The following KCNH5 variants were observed in gnomAD, a reference collection of about 807,000 sequenced individuals.
The protein encoded by KCNH5 is voltage-gated delayed rectifier potassium channel KCNH5.
In KCNH5, 46 loss-of-function variants were observed where a neutral mutation model predicts 96.1. That is an observed-to-expected ratio of 0.48 (90% confidence interval 0.38 to 0.61). The LOEUF is 0.61. Among genes scored for constraint, KCNH5 ranks in the 20% least tolerant of loss-of-function variants. KCNH5 has a pLI of 0.00. For missense variants in KCNH5, 907 were observed against 1,225.8 expected, an observed-to-expected ratio of 0.74 and a Z score of 3.88; for synonymous variants, 439 against 449.8, an observed-to-expected ratio of 0.98 and a Z score of 0.30.
intron 10 of KCNH5, among the ~76,000 whole-genome samples, chr14:62,739,375 C>T (rs1049591967): frequency 6.6e-6 from 1 of 152,122 alleles, no homozygotes; most frequent in Admixed American, 6.6e-5. Context: ...TTATTTGAAG[C>T]CTACAGTTGG....
intron 8 of KCNH5, among the ~76,000 whole-genome samples, chr14:62,816,647 A>G (rs1260565086): frequency 6.6e-6 from 1 of 152,070 alleles, no homozygotes; most frequent in Non-Finnish European, 1.5e-5. Flanking sequence ...TTATATGCAC[A>G]AGTATGCTTC....
intron 3 of KCNH5, among the ~76,000 whole-genome samples, chr14:63,001,996 T>C (rs1257570548): frequency 2.6e-5 from 4 of 152,228 alleles, no homozygotes; most frequent in East Asian, 1.9e-4. Context: ...ACTTATATGA[T>C]AGCTCTATGG....
intron 1 of KCNH5, among the ~76,000 whole-genome samples, chr14:63,017,726 TAA>T (rs566699532): frequency 2.0e-4 from 31 of 151,390 alleles, no homozygotes; most frequent in African/African-American, 6.8e-4. Flanking sequence ...TTAAAATATA[TAA>T]GTGAACACAT....
chr14:62,756,779 C>T (rs752632671), intron 10 of KCNH5, among the ~76,000 whole-genome samples: 19 of 152,174 alleles, frequency 1.2e-4, no homozygotes, highest in Non-Finnish European at 2.4e-4. Context: ...CCCTATCTTT[C>T]ACCATATCTA....
intron 8 of KCNH5, among the ~76,000 whole-genome samples, chr14:62,826,900 G>A (rs1014331151): frequency 8.6e-5 from 13 of 151,624 alleles, no homozygotes; most frequent in Non-Finnish European, 1.0e-4. Flanking sequence ...AACATGAAAC[G>A]ACTTCATGAA....
chr14:63,021,089 C>T (rs1484341056), intron 1 of KCNH5, among the ~76,000 whole-genome samples: 1 of 152,016 alleles, frequency 6.6e-6, no homozygotes, highest in African/African-American at 2.4e-5. Flanking sequence ...AGCCAGTTTA[C>T]CCTCTCTAAT....
At chr14:63,017,965 C>G (rs1891357166) in intron 1 of KCNH5, among the ~76,000 whole-genome samples, 1 of 151,718 alleles carries the variant, frequency 6.6e-6, no homozygotes, top group African/African-American at 2.4e-5. Flanking sequence ...CTGGGTCAAA[C>G]AGTGGGATAA....
intron 8 of KCNH5, among the ~76,000 whole-genome samples, chr14:62,812,866 A>G (rs1886900847): frequency 6.6e-6 from 1 of 152,164 alleles, no homozygotes; most frequent in Non-Finnish European, 1.5e-5. Context: ...ATGACTCATT[A>G]TCACATTATA....
At chr14:62,886,593 T>G (rs1470334115) in intron 7 of KCNH5, among the ~76,000 whole-genome samples, 2 of 152,238 alleles carry the variant, frequency 1.3e-5, no homozygotes, top group African/African-American at 4.8e-5. Flanking sequence ...TTCTTCATGT[T>G]GTCAAGCTTG....
At chr14:62,837,301 A>G (rs2031298854) in intron 8 of KCNH5, among the ~76,000 whole-genome samples, 1 of 152,220 alleles carries the variant, frequency 6.6e-6, no homozygotes, top group Admixed American at 6.5e-5. Flanking sequence ...CTGTCATTCC[A>G]GAGACTGGAA....
intron 7 of KCNH5, among the ~76,000 whole-genome samples, chr14:62,892,390 A>T (rs143226820): frequency 7.2e-4 from 110 of 152,362 alleles, no homozygotes; most frequent in African/African-American, 2.5e-3. Context: ...GAAGCTGCAG[A>T]AGTTGCAAGC....
chr14:62,803,854 A>C (rs1348247960), intron 8 of KCNH5, among the ~76,000 whole-genome samples: 1 of 152,206 alleles, frequency 6.6e-6, no homozygotes, highest in African/African-American at 2.4e-5. Flanking sequence ...CTTTATAGCC[A>C]GAAATGATTT....
intron 8 of KCNH5, among the ~76,000 whole-genome samples, chr14:62,812,271 CG>C (rs1224466666): frequency 4.6e-5 from 7 of 152,228 alleles, no homozygotes; most frequent in Non-Finnish European, 8.8e-5. Context: ...ATAAATGCCC[CG>C]CCACTGCCAT....
intron 10 of KCNH5, among the ~76,000 whole-genome samples, chr14:62,770,384 G>C (rs1362017086): frequency 6.6e-6 from 1 of 152,174 alleles, no homozygotes; most frequent in Non-Finnish European, 1.5e-5. Context: ...ATTGAGTTCT[G>C]AGCCTGTGCT....
At chr14:62,900,230 T>C (rs932339169) in intron 7 of KCNH5, among the ~76,000 whole-genome samples, 2 of 152,080 alleles carry the variant, frequency 1.3e-5, no homozygotes, top group African/African-American at 4.8e-5. Context: ...CCAGGGAAAA[T>C]AGTAAAGCAC....
intron 8 of KCNH5, among the ~76,000 whole-genome samples, chr14:62,826,327 G>A (rs1887222458): frequency 6.6e-6 from 1 of 151,118 alleles, no homozygotes; most frequent in Non-Finnish European, 1.5e-5. Context: ...TATTTCATTT[G>A]CCTGGTATAC....
At chr14:63,038,376 T>C (rs892990457) in intron 1 of KCNH5, among the ~76,000 whole-genome samples, 4 of 152,180 alleles carry the variant, frequency 2.6e-5, no homozygotes, top group African/African-American at 4.8e-5. Flanking sequence ...TTCCCAATTA[T>C]ATGTCCTTAT....
intron 10 of KCNH5, among the ~76,000 whole-genome samples, chr14:62,761,019 A>T (rs774098715): frequency 6.6e-6 from 1 of 152,208 alleles, no homozygotes; most frequent in African/African-American, 2.4e-5. Flanking sequence ...TTCACCATAA[A>T]CACCTTGAAA....
chr14:62,917,663 T>A (rs1204952001), intron 7 of KCNH5, among the ~76,000 whole-genome samples: 1 of 152,182 alleles, frequency 6.6e-6, no homozygotes, highest in Non-Finnish European at 1.5e-5. Context: ...TGGCTGCAAA[T>A]GGACCAAGCA....
Sources: gnomAD v4.1 joint callset for allele counts (sites outside exome capture counted in the v4.1 genomes callset) on GRCh38, gnomAD v4.1.1 for gene constraint, MANE v1.5 for transcripts, NCBI Gene and HGNC (gene_info 2026-07-23, HGNC 2026-07-21) for gene names.